Variants in PCDH15 observed in about 807,000 individuals in gnomAD.
PCDH15 encodes the protein protocadherin-15.
PCDH15 carries 129 observed loss-of-function variants against 178.5 expected under a neutral mutation model. The observed-to-expected ratio is 0.72, with a 90% CI of 0.63 to 0.84. The LOEUF (loss-of-function observed/expected upper bound fraction) is 0.84, where lower values mean the gene tolerates loss of function less well. Ranked by LOEUF, PCDH15 falls within the 40% of genes least tolerant of loss-of-function variation. The probability of loss-of-function intolerance (pLI) is 0.00; values close to 1 mark genes in which losing one functional copy is unlikely to be tolerated. For synonymous variants in PCDH15, 800 were observed against 732.0 expected (o/e 1.09, Z -1.50); for missense variants, 2,230 against 2,099.9 (o/e 1.06, Z -1.21).
intron 2 of PCDH15, among the ~76,000 whole-genome samples, chr10:54,969,408 C>A (rs1376936157): frequency 2.0e-5 from 3 of 152,228 alleles, no homozygotes; most frequent in Non-Finnish European, 4.4e-5. Flanking sequence ...ATTAATTTTC[C>A]ACCCTGGCCA....
At chr10:55,070,340 T>G (rs1315588847) in intron 2 of PCDH15, among the ~76,000 whole-genome samples, 1 of 151,790 alleles carries the variant, frequency 6.6e-6, no homozygotes, top group African/African-American at 2.4e-5. Context: ...GTTTTAGACA[T>G]GAAGTCCTTG....
intron 3 of PCDH15, among the ~76,000 whole-genome samples, chr10:54,809,172 T>C (rs1952824750): frequency 1.3e-5 from 2 of 152,178 alleles, no homozygotes; most frequent in South Asian, 4.1e-4. Flanking sequence ...AGGAAAGCTG[T>C]TGGATTCTAA....
At chr10:54,284,337 T>C (rs1196718743) in intron 8 of PCDH15, among the ~76,000 whole-genome samples, 1 of 152,214 alleles carries the variant, frequency 6.6e-6, no homozygotes, top group Non-Finnish European at 1.5e-5. Context: ...TGTAATTGTT[T>C]TACCAAATAG....
intron 14 of PCDH15, among the ~76,000 whole-genome samples, chr10:54,149,107 A>T (rs1417433975): frequency 6.6e-6 from 1 of 152,120 alleles, no homozygotes. Context: ...ATAGGGTCAC[A>T]TACTTCTTTT....
chr10:55,082,019 C>G (rs1287907392), intron 2 of PCDH15, among the ~76,000 whole-genome samples: 1 of 152,032 alleles, frequency 6.6e-6, no homozygotes, highest in African/African-American at 2.4e-5. Context: ...ACAGGTTATC[C>G]AGACAGAAAA....
intron 3 of PCDH15, among the ~76,000 whole-genome samples, chr10:54,505,655 G>A (rs1041796936): frequency 6.6e-6 from 1 of 152,016 alleles, no homozygotes; most frequent in Non-Finnish European, 1.5e-5. Context: ...GGGGGGTCGG[G>A]GGCTAGGGAA....
intron 2 of PCDH15, among the ~76,000 whole-genome samples, chr10:55,138,421 G>T (rs1384492126): frequency 6.6e-6 from 1 of 152,062 alleles, no homozygotes; most frequent in Non-Finnish European, 1.5e-5. Flanking sequence ...CTCTAATAGA[G>T]TATTCTTGAA....
At chr10:54,156,548 A>G (rs1180959410) in intron 13 of PCDH15, among the ~76,000 whole-genome samples, 4 of 152,312 alleles carry the variant, frequency 2.6e-5, no homozygotes, top group Admixed American at 6.5e-5. Context: ...CAATGATTCA[A>G]TTACCTCCCA....
chr10:55,547,237 A>T (rs1841904341), intron 2 of PCDH15, among the ~76,000 whole-genome samples: 1 of 152,180 alleles, frequency 6.6e-6, no homozygotes, highest in African/African-American at 2.4e-5. Context: ...GATCCCCTCC[A>T]TGGTTATTAC....
At chr10:54,090,895 G>T (rs1233874630) in intron 15 of PCDH15, among the ~76,000 whole-genome samples, 3 of 152,144 alleles carry the variant, frequency 2.0e-5, no homozygotes, top group Non-Finnish European at 4.4e-5. Flanking sequence ...GTTAATAGAT[G>T]TTGAGAGGTT....
In PCDH15 at chr10:55,474,420, T is replaced by G. The variant is rs1027967000; in HGVS notation, c.-156+153205A>C. Reference sequence around the variant, plus strand: ...TCAGGGAGAAAAAATAAAATCTTAGTAATTTTCTGAAGTATGTATATTTGG... The same window carrying G: ...TCAGGGAGAAAAAATAAAATCTTAGGAATTTTCTGAAGTATGTATATTTGG... On this transcript the variant is annotated intron_variant, in intron 2 of 5. Transcript: ENST00000613346. 3.4e-4 allele frequency among the ~76,000 whole-genome samples: 51 copies of G among 152,218 alleles called. 2 individuals carry two copies. The highest frequency in any genetic ancestry group is 2.1e-4 in the South Asian group (1 of 4,836).
At chr10:55,598,472 C>G (rs1842981409) in intron 2 of PCDH15, among the ~76,000 whole-genome samples, 1 of 141,150 alleles carries the variant, frequency 7.1e-6, no homozygotes, top group Non-Finnish European at 1.5e-5. Flanking sequence ...CTCACCATCT[C>G]TTGTCACTCA....
chr10:54,793,413 G>GA (rs1951626245), intron 1 of PCDH15, among the ~76,000 whole-genome samples: 1 of 151,642 alleles, frequency 6.6e-6, no homozygotes, highest in Non-Finnish European at 1.5e-5. Context: ...CTGCCATTCT[G>GA]AAAAATCATG....
intron 29 of PCDH15, among the ~76,000 whole-genome samples, chr10:53,835,209 G>A (rs914199244): frequency 3.9e-5 from 6 of 152,100 alleles, no homozygotes; most frequent in African/African-American, 7.2e-5. Context: ...ATCAGATACC[G>A]TTTAAGGTCT....
chr10:54,089,089 C>T (rs903149843), intron 16 of PCDH15, among the ~76,000 whole-genome samples: 2 of 152,102 alleles, frequency 1.3e-5, no homozygotes, highest in Non-Finnish European at 1.5e-5. Flanking sequence ...TATAGTTTCC[C>T]AGGCATTACT....
At chr10:54,689,109 C>T (rs185559741) in intron 1 of PCDH15, among the ~76,000 whole-genome samples, 1 of 151,930 alleles carries the variant, frequency 6.6e-6, no homozygotes, top group Non-Finnish European at 1.5e-5. Context: ...TTCAATTTTT[C>T]TTTCTTACTA....
intron 6 of PCDH15, among the ~76,000 whole-genome samples, chr10:54,344,904 C>CAAA (rs57295345): frequency 6.5e-4 from 51 of 78,836 alleles, no homozygotes; most frequent in East Asian, 2.1e-3. Context: ...AGAAACAAAG[C>CAAA]AAAAAAAAAA....
chr10:54,902,553 G>T (rs1358544276), intron 2 of PCDH15, among the ~76,000 whole-genome samples: 4 of 152,104 alleles, frequency 2.6e-5, no homozygotes, highest in Non-Finnish European at 4.4e-5. Context: ...CCTCAGCCAT[G>T]CTTTCTGTAC....
In PCDH15 at chr10:55,313,725, C is replaced by T. The variant is rs146467201; in HGVS notation, c.-156+5874G>A. 5.0e-3 allele frequency among the ~76,000 whole-genome samples: 754 copies of T among 152,268 alleles called. 11 individuals carry two copies. The highest frequency in any genetic ancestry group is 0.017 in the African/African-American group (701 of 41,572). On this transcript the variant is annotated intron_variant, in intron 1 of 5. Coordinates refer to the PCDH15 transcript ENST00000458638. ...CTATTATAAAATGCTATATGCCAGA[C>T]TTCTATTTACCTGGGAAAGTGGAAT... is the stretch of plus-strand genomic sequence containing the variant.
Sources: allele counts gnomAD v4.1 joint callset (sites outside exome capture counted in the v4.1 genomes callset), GRCh38; gene constraint gnomAD v4.1.1; transcripts MANE v1.5; gene names NCBI Gene and HGNC (gene_info 2026-07-23, HGNC 2026-07-21).